The following ARID4A variants were observed in gnomAD, a reference collection of about 807,000 sequenced individuals.
The protein encoded by ARID4A is AT-rich interactive domain-containing protein 4A.
ARID4A carries 39 observed loss-of-function variants against 148.6 expected under a neutral mutation model. The ratio of observed to expected loss-of-function variants is 0.26; its 90% CI spans 0.20 to 0.34. ARID4A has a LOEUF of 0.34. ARID4A is among the 10% of genes least tolerant of loss of function. ARID4A has a pLI of 1.00. For missense variants in ARID4A, 1,265 were observed against 1,449.1 expected, an observed-to-expected ratio of 0.87 and a Z score of 2.06; for synonymous variants, 475 against 481.2, an observed-to-expected ratio of 0.99 and a Z score of 0.17.
At chr14:58,299,746 CT>C in intron 1 of ARID4A, 51 bp from the exon 2 acceptor site, 7 of 1,503,672 alleles carry the variant, frequency 4.7e-6, no homozygotes, top group Non-Finnish European at 6.5e-6. Context: ...CCCTTGGTCG[CT>C]CCCCGCAGTT....
At chr14:58,336,401 C>T (rs973830786) in intron 11 of ARID4A, among the ~76,000 whole-genome samples, 10 of 152,132 alleles carry the variant, frequency 6.6e-5, no homozygotes, top group Non-Finnish European at 1.3e-4. Context: ...TTATTGATAA[C>T]CTATGTAGTC....
chr14:58,315,730 G>A (rs2032366018), intron 5 of ARID4A, among the ~76,000 whole-genome samples: 1 of 152,144 alleles, frequency 6.6e-6, no homozygotes, highest in Non-Finnish European at 1.5e-5. Flanking sequence ...GACACTATAT[G>A]AATCATAGTT....
chr14:58,301,855 G>A (rs575643175), intron 3 of ARID4A, among the ~76,000 whole-genome samples, 165 bp downstream of exon 3: 1 of 152,094 alleles, frequency 6.6e-6, no homozygotes, highest in African/African-American at 2.4e-5. Flanking sequence ...AAACTCAAAA[G>A]GAGAAATTAT....
intron 3 of ARID4A, among the ~76,000 whole-genome samples, 200 bp from the exon 4 acceptor site, chr14:58,304,744 G>T (rs1436991809): frequency 6.6e-6 from 1 of 152,118 alleles, no homozygotes; most frequent in Non-Finnish European, 1.5e-5. Context: ...CTTGCTAACT[G>T]TTGGGGATAT....
chr14:58,347,955 C>A, intron 15 of ARID4A, 77 bp downstream of exon 15: 1 of 973,398 alleles, frequency 1.0e-6, no homozygotes, highest in Non-Finnish European at 1.5e-6. Flanking sequence ...CATATATACA[C>A]AAAAGTACTA....
At chr14:58,324,935 A>T (rs946125790) in intron 8 of ARID4A, among the ~76,000 whole-genome samples, 3 of 152,198 alleles carry the variant, frequency 2.0e-5, no homozygotes, top group African/African-American at 7.2e-5. Flanking sequence ...AAGAGATTAC[A>T]TAGTTATTAA....
chr14:58,356,997 C>A (rs1041012770), intron 17 of ARID4A, among the ~76,000 whole-genome samples: 1 of 152,140 alleles, frequency 6.6e-6, no homozygotes, highest in African/African-American at 2.4e-5. Flanking sequence ...CTGCGCCCGG[C>A]CTAAATTTGG....
intron 11 of ARID4A, among the ~76,000 whole-genome samples, chr14:58,343,603 C>T (rs61974494): frequency 0.014 from 2,201 of 152,038 alleles, 19 homozygotes; most frequent in Non-Finnish European, 0.023. Flanking sequence ...CTGGAGTGGG[C>T]GGATCACTTG....
intron 7 of ARID4A, among the ~76,000 whole-genome samples, chr14:58,321,489 T>C (rs1448201215): frequency 6.6e-6 from 1 of 152,088 alleles, no homozygotes; most frequent in Admixed American, 6.5e-5. Context: ...TCTTGAGCAC[T>C]TTTTCACCTT....
chr14:58,369,655 A>G (rs2035519323), intron 23 of ARID4A, among the ~76,000 whole-genome samples: 1 of 151,496 alleles, frequency 6.6e-6, no homozygotes, highest in Middle Eastern at 3.4e-3. Flanking sequence ...AATTTACCAT[A>G]TAAAGATACA....
chr14:58,330,539 T>A (rs1423891896), intron 11 of ARID4A, among the ~76,000 whole-genome samples: 6 of 152,094 alleles, frequency 3.9e-5, no homozygotes, highest in Non-Finnish European at 7.4e-5. Flanking sequence ...ACTTTAAAGG[T>A]AAGGAAAGGG....
rs1346303289 is a variant in ARID4A at position 58,361,000 on chromosome 14, C to T, written c.2038C>T (p.Pro680Ser). Residue 680 changes from proline to serine, a missense_variant, in exon 19 of 24, where the codon CCG becomes TCG. Pro to Ser is a moderately conservative substitution (Grantham distance 74). This residue lies in a region of ARID4A where 666 missense variants were observed against 730.9 expected (regional missense o/e 0.91). Transcript: ENST00000355431. ...AAAATCAACCCTCTCATCAAACATG[C>T]CGTATGGCTTATCTAAGACAGCAAA... ...PLKSTLSSNM[P>S]YGLSKTANSE... 6 of 1,613,908 alleles carry T rather than the reference C, an allele frequency of 3.7e-6. No homozygotes were observed. Among genetic ancestry groups the T allele is most frequent in the Non-Finnish European group, 5.1e-6 (6 of 1,179,994 alleles).
intron 10 of ARID4A, 138 bp downstream of exon 10, chr14:58,329,742 T>G: frequency 1.0e-6 from 1 of 966,268 alleles, no homozygotes; most frequent in Non-Finnish European, 1.5e-6. Flanking sequence ...TGATTTTTTT[T>G]TAATGTCTAG....
chr14:58,335,966 A>G (rs1197863374), intron 11 of ARID4A, among the ~76,000 whole-genome samples: 1 of 150,944 alleles, frequency 6.6e-6, no homozygotes, highest in African/African-American at 2.4e-5. Context: ...TTCAACATCC[A>G]TGCTTGCCCT....
chr14:58,339,988 C>T (rs575316649), intron 11 of ARID4A, among the ~76,000 whole-genome samples: 4 of 152,268 alleles, frequency 2.6e-5, no homozygotes, highest in East Asian at 3.9e-4. Flanking sequence ...AATCACCTCC[C>T]ACCAGGTCCC....
chr14:58,313,314 C>T (rs1295803009), intron 5 of ARID4A, among the ~76,000 whole-genome samples: 8 of 152,112 alleles, frequency 5.3e-5, no homozygotes, highest in East Asian at 1.9e-4. Flanking sequence ...GGGATGGTTT[C>T]GGGATGAAAC....
chr14:58,317,354 G>C lies in ARID4A; in HGVS notation c.275-1188G>C, dbSNP rs1258867103. Among the ~76,000 whole-genome samples, 11 of 142,514 alleles carry C rather than the reference G, an allele frequency of 7.7e-5. No homozygotes were observed. The South Asian group carries it at 9.0e-4, about 12-fold the overall frequency. The allele number at this position is 142,514 out of a possible 152,430, so 93.5% of individuals were successfully genotyped here. The stretch of plus-strand genomic sequence containing the variant: ...GGCTGGAGTGCAGTGGTGCAATCTC[G>C]GCTCACTGCAAGCTCCGCCTCCTGG... On this transcript the variant is annotated intron_variant, in intron 5 of 23. Coordinates refer to ENST00000355431, the MANE Select transcript of ARID4A (RefSeq NM_002892.4).
At chr14:58,350,963 A>C (rs2034611399) in intron 15 of ARID4A, 110 bp from the exon 16 acceptor site, 1 of 1,134,524 alleles carries the variant, frequency 8.8e-7, no homozygotes, top group Admixed American at 3.1e-5. Context: ...TTTCAGGGCC[A>C]CGTTTCAAGC....
At chr14:58,329,177 A>G (rs1566688306) in intron 9 of ARID4A, among the ~76,000 whole-genome samples, 1 of 152,200 alleles carries the variant, frequency 6.6e-6, no homozygotes. Flanking sequence ...CTTTTTTACT[A>G]AAATGAAAAA....
Sources: allele counts gnomAD v4.1 joint callset (sites outside exome capture counted in the v4.1 genomes callset), GRCh38; gene constraint gnomAD v4.1.1; regional missense constraint gnomAD v4.1.1; transcripts MANE v1.5; gene names NCBI Gene and HGNC (gene_info 2026-07-23, HGNC 2026-07-21).